The following SLC35F4 variants were observed in gnomAD, a reference collection of about 807,000 sequenced individuals.
SLC35F4 encodes chromosome 14 open reading frame 36.
A neutral mutation model predicts 44.2 loss-of-function variants in SLC35F4; 24 were observed. The ratio of observed to expected loss-of-function variants is 0.54; its 90% CI spans 0.39 to 0.76. The LOEUF is 0.76. Among genes scored for constraint, SLC35F4 ranks in the 30% least tolerant of loss-of-function variants. The probability of loss-of-function intolerance (pLI) is 0.00; values close to 1 mark genes in which losing one functional copy is unlikely to be tolerated. For missense variants in SLC35F4, 562 were observed against 586.1 expected (o/e 0.96, Z 0.42); for synonymous variants, 238 against 223.6 (o/e 1.06, Z -0.57).
intron 1 of SLC35F4, among the ~76,000 whole-genome samples, chr14:57,642,592 T>A (rs1174183772): frequency 1.3e-5 from 2 of 151,946 alleles, no homozygotes; most frequent in Non-Finnish European, 2.9e-5. Context: ...ACAAAAGAAC[T>A]GTTTACTTTT....
At chr14:57,744,296 G>A (rs2076698878) in intron 1 of SLC35F4, among the ~76,000 whole-genome samples, 1 of 152,180 alleles carries the variant, frequency 6.6e-6, no homozygotes, top group African/African-American at 2.4e-5. Context: ...GTCCCTGTTT[G>A]CAGATGACAT....
intron 1 of SLC35F4, among the ~76,000 whole-genome samples, chr14:57,812,664 G>A (rs749259634): frequency 1.3e-5 from 2 of 152,050 alleles, no homozygotes; most frequent in Non-Finnish European, 2.9e-5. Context: ...ATGACTTGGG[G>A]CAAGTTTGTT....
intron 1 of SLC35F4, among the ~76,000 whole-genome samples, chr14:57,885,341 G>A (rs968008554): frequency 1.3e-5 from 2 of 152,166 alleles, no homozygotes; most frequent in African/African-American, 4.8e-5. Context: ...GTATAAATAA[G>A]TTTTCCTATG....
At chr14:57,818,210 T>A (rs564696074) in intron 1 of SLC35F4, among the ~76,000 whole-genome samples, 13 of 152,250 alleles carry the variant, frequency 8.5e-5, no homozygotes, top group African/African-American at 3.1e-4. Flanking sequence ...CTCTCTCCAA[T>A]AACTAAAATT....
chr14:57,764,296 T>G (rs1380934266), intron 1 of SLC35F4, among the ~76,000 whole-genome samples: 1 of 152,038 alleles, frequency 6.6e-6, no homozygotes, highest in Non-Finnish European at 1.5e-5. Context: ...CCTTTTGGTC[T>G]CCTTGCTGTA....
At chr14:57,923,768 T>G (rs1384913110) in intron 1 of SLC35F4, among the ~76,000 whole-genome samples, 1 of 152,238 alleles carries the variant, frequency 6.6e-6, no homozygotes, top group Non-Finnish European at 1.5e-5. Flanking sequence ...ATCTGAGGAT[T>G]CTCAATAGAA....
intron 1 of SLC35F4, among the ~76,000 whole-genome samples, chr14:57,740,382 A>G (rs2076575140): frequency 6.6e-6 from 1 of 152,190 alleles, no homozygotes; most frequent in African/African-American, 2.4e-5. Flanking sequence ...TTCCAACACC[A>G]TGCATATTTT....
At chr14:57,741,624 A>C (rs1043782880) in intron 1 of SLC35F4, among the ~76,000 whole-genome samples, 1 of 152,228 alleles carries the variant, frequency 6.6e-6, no homozygotes, top group African/African-American at 2.4e-5. Flanking sequence ...GTGTACCTGA[A>C]AGTGACTGGG....
intron 1 of SLC35F4, among the ~76,000 whole-genome samples, chr14:57,890,177 T>C (rs811590): frequency 6.6e-6 from 1 of 152,098 alleles, no homozygotes; most frequent in African/African-American, 2.4e-5. Context: ...AACAACATGC[T>C]TTGGGTAGCC....
chr14:57,694,755 T>C (rs77209397), intron 1 of SLC35F4, among the ~76,000 whole-genome samples: 22,562 of 152,162 alleles, frequency 0.15, 1,898 homozygotes, highest in East Asian at 0.29. Flanking sequence ...AGAGGTCTTA[T>C]ACATAATTTG....
chr14:57,636,286 T>C (rs555725142), intron 1 of SLC35F4, among the ~76,000 whole-genome samples: 3 of 152,292 alleles, frequency 2.0e-5, no homozygotes, highest in African/African-American at 7.2e-5. Flanking sequence ...ACTAAACATG[T>C]AGACCTTACT....
At chr14:57,684,121 G>C (rs1351262851) in intron 1 of SLC35F4, among the ~76,000 whole-genome samples, 1 of 152,070 alleles carries the variant, frequency 6.6e-6, no homozygotes, top group African/African-American at 2.4e-5. Context: ...CCTTCTAGGG[G>C]AGCCATGAGA....
intron 1 of SLC35F4, among the ~76,000 whole-genome samples, chr14:57,878,180 G>A (rs907896431): frequency 1.3e-4 from 20 of 151,976 alleles, no homozygotes; most frequent in African/African-American, 4.8e-4. Context: ...CTTTTTGCTT[G>A]TTAAGTTCCT....
intron 3 of SLC35F4, among the ~76,000 whole-genome samples, chr14:57,581,699 G>A (rs188144263): frequency 3.5e-4 from 54 of 152,354 alleles, no homozygotes; most frequent in African/African-American, 1.0e-3. Flanking sequence ...CCATTCTGTC[G>A]TTTTTGAGCA....
chr14:57,959,006 T>G (rs1890295248), intron 1 of SLC35F4, among the ~76,000 whole-genome samples: 1 of 152,148 alleles, frequency 6.6e-6, no homozygotes, highest in African/African-American at 2.4e-5. Context: ...CCATGCAGAC[T>G]GGGTCCATGT....
intron 1 of SLC35F4, among the ~76,000 whole-genome samples, chr14:57,854,316 AT>A (rs201134795): frequency 3.9e-5 from 6 of 152,150 alleles, no homozygotes; most frequent in East Asian, 1.9e-4. Context: ...ATGCTTTATA[AT>A]TTTTAAAAAA....
At chr14:57,856,216 A>C (rs1269562545) in intron 1 of SLC35F4, among the ~76,000 whole-genome samples, 1 of 151,954 alleles carries the variant, frequency 6.6e-6, no homozygotes. Context: ...GAAATACCTA[A>C]TGTAGGTAAT....
chr14:57,885,959 A>G (rs2141035749), intron 1 of SLC35F4, among the ~76,000 whole-genome samples: 1 of 152,312 alleles, frequency 6.6e-6, no homozygotes, highest in Admixed American at 6.5e-5. Context: ...GGGTGTAAGG[A>G]CTTTGAAAAA....
intron 1 of SLC35F4, among the ~76,000 whole-genome samples, chr14:57,653,233 GC>G (rs769082306): frequency 3.3e-4 from 50 of 152,134 alleles, no homozygotes; most frequent in Non-Finnish European, 5.0e-4. Context: ...TAGGATCCCT[GC>G]CCTGAAGTGC....
Sources: allele counts gnomAD v4.1 joint callset (sites outside exome capture counted in the v4.1 genomes callset), GRCh38; gene constraint gnomAD v4.1.1; transcripts MANE v1.5; gene names NCBI Gene and HGNC (gene_info 2026-07-23, HGNC 2026-07-21).